The following UNC13C variants were observed in gnomAD, a reference collection of about 807,000 sequenced individuals.
UNC13C encodes the protein protein unc-13 homolog C.
Under a neutral mutation model 245.4 loss-of-function variants are expected in UNC13C, and 174 were observed. The observed-to-expected ratio is 0.71, with a 90% confidence interval of 0.63 to 0.80. The LOEUF (loss-of-function observed/expected upper bound fraction) is 0.80, where lower values mean the gene tolerates loss of function less well. UNC13C is among the 30% of genes least tolerant of loss of function. The pLI is 0.00. For synonymous variants in UNC13C, 992 were observed against 895.1 expected (o/e 1.11, Z -1.93); for missense variants, 2,829 against 2,602.9 (o/e 1.09, Z -1.89).
the UNC13C span, among the ~76,000 whole-genome samples, chr15:53,897,873 G>A: frequency 6.6e-6 from 1 of 152,062 alleles, no homozygotes; most frequent in African/African-American, 2.4e-5. Context: ...TGCCCCGACC[G>A]CCTTCATTTT....
At chr15:54,378,048 T>C (rs1425812412) in intron 17 of UNC13C, among the ~76,000 whole-genome samples, 2 of 152,170 alleles carry the variant, frequency 1.3e-5, no homozygotes, top group East Asian at 3.8e-4. Flanking sequence ...GTGATGTTTT[T>C]ATATGTAGAT....
intron 4 of UNC13C, among the ~76,000 whole-genome samples, chr15:54,165,267 A>G (rs2033123914): frequency 1.3e-5 from 2 of 152,176 alleles, no homozygotes; most frequent in African/African-American, 2.4e-5. Context: ...TTATAGCTCT[A>G]TCTTCACCTA....
rs71436273 is a variant in UNC13C at position 54,192,898 on chromosome 15, C to CCACACA, written c.3072-42115_3072-42110dup. Among the ~76,000 whole-genome samples the CCACACA allele has an allele frequency of 6.2e-3, 923 of 148,214 alleles. 48 individuals carry two copies. In the East Asian group the frequency reaches 0.11, roughly 17 times the overall value. ...CTCTCTTTCTTTCTCTTTCTCTGTG[C>CCACACA]CACACACACACACACACACACAAAC... On this transcript the variant is annotated intron_variant, in intron 4 of 32. Coordinates refer to ENST00000260323, the MANE Select transcript of UNC13C (RefSeq NM_001080534.3).
At chr15:54,288,741 G>T (rs921841210) in intron 10 of UNC13C, among the ~76,000 whole-genome samples, 12 of 152,022 alleles carry the variant, frequency 7.9e-5, no homozygotes, top group African/African-American at 2.7e-4. Context: ...TGACTTTTGG[G>T]CAGTACTGTT....
At chr15:54,407,241 T>A (rs2040312863) in intron 18 of UNC13C, among the ~76,000 whole-genome samples, 1 of 152,078 alleles carries the variant, frequency 6.6e-6, no homozygotes, top group Non-Finnish European at 1.5e-5. Context: ...AATTGATTAG[T>A]GCAATTATTA....
Position 54,552,839 on chromosome 15 carries a change from A to T in UNC13C, c.5878-2593A>T, listed in dbSNP as rs181348164. ...AATATAATATATAATTATATTATAT[A>T]GTACAATATATAATATATATTAATA... On this transcript the variant is annotated intron_variant, in intron 28 of 32. Coordinates refer to ENST00000260323, the MANE Select transcript of UNC13C (RefSeq NM_001080534.3). Among the ~76,000 whole-genome samples, 461 of 56,996 alleles carry T rather than the reference A, an allele frequency of 8.1e-3. 18 individuals carry two copies. The highest frequency in any genetic ancestry group is 0.017 in the Admixed American group (46 of 2,728). 37.4% of individuals were successfully genotyped at this position (56,996 alleles called of 152,430 possible).
intron 17 of UNC13C, among the ~76,000 whole-genome samples, chr15:54,379,572 A>G (rs946583050): frequency 1.3e-5 from 2 of 152,130 alleles, no homozygotes; most frequent in African/African-American, 4.8e-5. Flanking sequence ...ACTTCATAAG[A>G]GCAGTGCTAT....
chr15:54,090,542 C>T (rs776327662), intron 2 of UNC13C, among the ~76,000 whole-genome samples: 19 of 152,138 alleles, frequency 1.2e-4, no homozygotes, highest in African/African-American at 2.9e-4. Context: ...AAAGTGGCAA[C>T]GTCAAGATTC....
chr15:53,915,562 C>T, the UNC13C span, among the ~76,000 whole-genome samples: 1 of 151,978 alleles, frequency 6.6e-6, no homozygotes, highest in South Asian at 2.1e-4. Flanking sequence ...AATAAAAAGT[C>T]ACAAAGGACT....
intron 17 of UNC13C, among the ~76,000 whole-genome samples, chr15:54,385,000 GAC>G (rs968770385): frequency 6.6e-6 from 1 of 151,940 alleles, no homozygotes; most frequent in Non-Finnish European, 1.5e-5. Flanking sequence ...ATTTTTAAAA[GAC>G]AAAAAATATC....
At chr15:54,060,877 C>T (rs1379640466) in intron 2 of UNC13C, among the ~76,000 whole-genome samples, 1 of 151,926 alleles carries the variant, frequency 6.6e-6, no homozygotes, top group Non-Finnish European at 1.5e-5. Flanking sequence ...GACAAAAAAC[C>T]AAACACCGCA....
rs1422031158 is a variant in UNC13C, at chr15:54,077,480, G to A, written c.2983+61594G>A. 2.8e-5 allele frequency among the ~76,000 whole-genome samples: 4 copies of A among 141,322 alleles called. No individual in the cohort carries two copies. In the Admixed American group the frequency reaches 3.1e-4, roughly 11 times the overall value. 92.7% of individuals were successfully genotyped at this position (141,322 alleles called of 152,430 possible). A position where few individuals can be genotyped will look rare whatever the true frequency, so the allele number is the denominator to read the frequency against. On this transcript the variant is annotated intron_variant, in intron 2 of 32. Transcript: ENST00000260323. The stretch of plus-strand genomic sequence containing the variant: ...TGCAACCTCTGCCTCCCAGGTTCAA[G>A]GGATTCTCCTGCCTCAGCCTCCCGA...
intron 19 of UNC13C, among the ~76,000 whole-genome samples, chr15:54,452,732 C>T (rs954957844): frequency 1.3e-5 from 2 of 152,232 alleles, no homozygotes; most frequent in Non-Finnish European, 2.9e-5. Flanking sequence ...GGCCCTGCTA[C>T]TGCTAAGGGC....
At chr15:53,865,586 TG>T in the UNC13C span, among the ~76,000 whole-genome samples, 1 of 152,164 alleles carries the variant, frequency 6.6e-6, no homozygotes, top group East Asian at 1.9e-4. Flanking sequence ...TTATAGGTGT[TG>T]GGTGTTAGGA....
In UNC13C at chr15:54,444,361, T is replaced by TA. The variant is rs139935834; in HGVS notation, c.4933+29295dup. Among the ~76,000 whole-genome samples the TA allele has an allele frequency of 5.0e-3, 755 of 151,564 alleles. 6 individuals carry two copies. The highest frequency in any genetic ancestry group is 0.017 in the African/African-American group (723 of 41,404). ...ATAGTCATGTATATACATATATATG[T>TA]ATATGACATTTGTATATGTCTTTTC... On this transcript the variant is annotated intron_variant, in intron 19 of 32. Transcript: ENST00000260323.
At chr15:53,840,279 G>T in the UNC13C span, among the ~76,000 whole-genome samples, 1 of 152,194 alleles carries the variant, frequency 6.6e-6, no homozygotes, top group Middle Eastern at 3.4e-3. Context: ...ATATGCCTGA[G>T]AAATTTTCTT....
chr15:54,497,379 T>C (rs1894004179), intron 20 of UNC13C, among the ~76,000 whole-genome samples: 1 of 151,922 alleles, frequency 6.6e-6, no homozygotes, highest in African/African-American at 2.4e-5. Context: ...TAGCTCAGAG[T>C]TTACAGCTGT....
At chr15:54,185,845 A>G (rs1221421724) in intron 4 of UNC13C, among the ~76,000 whole-genome samples, 6 of 151,150 alleles carry the variant, frequency 4.0e-5, no homozygotes, top group Admixed American at 2.6e-4. Flanking sequence ...CATTGAATCT[A>G]TAAATTACCT....
chr15:53,970,591 A>G, the UNC13C span, among the ~76,000 whole-genome samples: 1 of 152,134 alleles, frequency 6.6e-6, no homozygotes, highest in Non-Finnish European at 1.5e-5. Context: ...AGAAAACCAA[A>G]TACCACATGT....
Sources: gnomAD v4.1 joint callset for allele counts (sites outside exome capture counted in the v4.1 genomes callset) on GRCh38, gnomAD v4.1.1 for gene constraint, MANE v1.5 for transcripts, NCBI Gene and HGNC (gene_info 2026-07-23, HGNC 2026-07-21) for gene names.